The following MXI1 variants were observed in gnomAD, a reference collection of about 807,000 sequenced individuals.
The protein encoded by MXI1 is max-interacting protein 1.
MXI1 carries 18 observed loss-of-function variants against 36.9 expected under a neutral mutation model. The observed-to-expected ratio is 0.49, with a 90% CI of 0.34 to 0.72. The LOEUF (loss-of-function observed/expected upper bound fraction) is 0.72, where lower values mean the gene tolerates loss of function less well. MXI1 is among the 30% of genes least tolerant of loss of function. The probability of loss-of-function intolerance (pLI) is 0.01; values close to 1 mark genes in which losing one functional copy is unlikely to be tolerated. For missense variants in MXI1, 304 were observed against 379.1 expected, an observed-to-expected ratio of 0.80 and a Z score of 1.64; for synonymous variants, 160 against 146.7, an observed-to-expected ratio of 1.09 and a Z score of -0.65.
rs74735538 is a variant in MXI1 at position 110,227,550 on chromosome 10, G to C, written c.275-639G>C. 720 of 981,442 alleles carry C rather than the reference G, an allele frequency of 7.3e-4. 21 individuals carry two copies. In the East Asian group the frequency reaches 0.048, roughly 65 times the overall value. 60.8% of individuals were successfully genotyped at this position (981,442 alleles called of 1,614,324 possible). A position where few individuals can be genotyped will look rare whatever the true frequency, so the allele number is the denominator to read the frequency against. On this transcript the variant is annotated intron_variant, in intron 1 of 5. Coordinates refer to ENST00000332674, the MANE Select transcript of MXI1 (RefSeq NM_130439.3). Reference sequence around the variant, plus strand: ...GCCCCGGAGCGGGAGAGGGTGCTGGGAGATAAGAGGAAGGAGGAACACGGA... The same window carrying C: ...GCCCCGGAGCGGGAGAGGGTGCTGGCAGATAAGAGGAAGGAGGAACACGGA...
At chr10:110,223,998 A>G (rs143409450) in intron 1 of MXI1, among the ~76,000 whole-genome samples, 1 of 152,304 alleles carries the variant, frequency 6.6e-6, no homozygotes, top group Non-Finnish European at 1.5e-5. Context: ...TACCAAAAAA[A>G]AAGAAAAGAA....
At chr10:110,228,891 A>G (rs900806756) in intron 2 of MXI1, among the ~76,000 whole-genome samples, 2 of 152,198 alleles carry the variant, frequency 1.3e-5, no homozygotes, top group African/African-American at 4.8e-5. Context: ...TTATCTTTCA[A>G]GCAGAATAGA....
chr10:110,281,195 T>A (rs1286506428), intron 5 of MXI1, among the ~76,000 whole-genome samples: 1 of 152,234 alleles, frequency 6.6e-6, no homozygotes, highest in African/African-American at 2.4e-5. Context: ...TTGTTTCATC[T>A]GTTCTTCACT....
intron 3 of MXI1, among the ~76,000 whole-genome samples, chr10:110,254,771 ACT>A (rs1856226699): frequency 6.6e-6 from 1 of 152,166 alleles, no homozygotes; most frequent in Non-Finnish European, 1.5e-5. Flanking sequence ...CAAGGCCCTA[ACT>A]CTATTTAATT....
At chr10:110,219,282 A>C (rs988357631) in intron 1 of MXI1, among the ~76,000 whole-genome samples, 2 of 152,264 alleles carry the variant, frequency 1.3e-5, no homozygotes, top group African/African-American at 2.4e-5. Context: ...CCTGGGAGAC[A>C]GAGTGAGACT....
At chr10:110,233,016 T>A (rs1855329956) in intron 2 of MXI1, among the ~76,000 whole-genome samples, 1 of 152,234 alleles carries the variant, frequency 6.6e-6, no homozygotes, top group Admixed American at 6.5e-5. Flanking sequence ...AATATTCATA[T>A]GAGCCTGTGA....
chr10:110,261,158 G>A lies in MXI1; in HGVS notation c.437+16301G>A, dbSNP rs187346351. The A allele has an allele frequency of 4.1e-3, 4,079 of 983,166 alleles. 14 individuals are homozygous for A. The highest frequency in any genetic ancestry group is 4.4e-3 in the Non-Finnish European group (3,631 of 827,908). 60.9% of individuals were successfully genotyped at this position (983,166 alleles called of 1,614,324 possible). A position where few individuals can be genotyped will look rare whatever the true frequency, so the allele number is the denominator to read the frequency against. ...AAAGTAGCTACAGGTCAGTATGTTG[G>A]AATCTTTCTTCCTAACCATTTAGAC... On this transcript the variant is annotated intron_variant, in intron 3 of 5. Transcript: ENST00000332674.
chr10:110,226,060 G>GGCGGCGGAGAGCGCGCCGAGCC, intron 1 of MXI1: 1 of 1,004,380 alleles, frequency 1.0e-6, no homozygotes, highest in African/African-American at 1.7e-5. Context: ...GGGCGGCAGG[G>GGCGGCGGAGAGCGCGCCGAGCC]GCGGCGGAGA....
At chr10:110,209,473 A>G (rs576518577) in intron 1 of MXI1, among the ~76,000 whole-genome samples, 1 of 152,344 alleles carries the variant, frequency 6.6e-6, no homozygotes, top group African/African-American at 2.4e-5. Context: ...TCAGGGTTAA[A>G]GGAACCGTGT....
At chr10:110,226,011 G>A (rs1490345580) in intron 1 of MXI1, 2 of 982,604 alleles carry the variant, frequency 2.0e-6, no homozygotes, top group Non-Finnish European at 2.4e-6. Flanking sequence ...AACCACGCGC[G>A]GGCTGCCCGC....
At chr10:110,276,100 T>A (rs1303928320) in intron 3 of MXI1, among the ~76,000 whole-genome samples, 1 of 152,254 alleles carries the variant, frequency 6.6e-6, no homozygotes, top group African/African-American at 2.4e-5. Flanking sequence ...TATTTCCATA[T>A]AGAATTCCAG....
At chr10:110,243,826 C>T (rs77090345) in intron 2 of MXI1, among the ~76,000 whole-genome samples, 9 of 152,036 alleles carry the variant, frequency 5.9e-5, no homozygotes, top group Admixed American at 1.3e-4. Flanking sequence ...ATGAGGAAAC[C>T]GAGCACAGAG....
chr10:110,212,036 A>T (rs977922854), intron 1 of MXI1, among the ~76,000 whole-genome samples: 3 of 152,260 alleles, frequency 2.0e-5, no homozygotes, highest in African/African-American at 7.2e-5. Context: ...AAGGGATGTT[A>T]TGTGCATAAG....
At chr10:110,229,923 C>A (rs1368260116) in intron 2 of MXI1, among the ~76,000 whole-genome samples, 1 of 152,050 alleles carries the variant, frequency 6.6e-6, no homozygotes, top group Non-Finnish European at 1.5e-5. Flanking sequence ...TGTCGTGCTG[C>A]AAGTATTTAA....
chr10:110,240,708 CATG>C lies in MXI1; in HGVS notation c.408-4119_408-4117del, dbSNP rs570405974. 3.4e-3 allele frequency among the ~76,000 whole-genome samples: 521 copies of C among 152,050 alleles called. 2 individuals carry two copies. Among genetic ancestry groups the C allele is most frequent in the Non-Finnish European group, 4.0e-3 (272 of 67,876 alleles). Reference sequence around the variant, plus strand: ...AATTTTCTGGTTTTTTTGCCCTCTACATGTATGTGTAAGAATTGTAAGCTTTAG... The same window carrying C: ...AATTTTCTGGTTTTTTTGCCCTCTACTATGTGTAAGAATTGTAAGCTTTAG... On this transcript the variant is annotated intron_variant, in intron 2 of 5. Coordinates refer to ENST00000332674, the MANE Select transcript of MXI1 (RefSeq NM_130439.3).
chr10:110,240,481 A>G (rs185390428), intron 2 of MXI1, among the ~76,000 whole-genome samples: 2 of 152,196 alleles, frequency 1.3e-5, no homozygotes, highest in African/African-American at 2.4e-5. Flanking sequence ...TTTTTCTAAA[A>G]GTTTATAGTA....
chr10:110,212,462 T>C (rs567096067), intron 1 of MXI1, among the ~76,000 whole-genome samples: 1 of 152,330 alleles, frequency 6.6e-6, no homozygotes, highest in Non-Finnish European at 1.5e-5. Flanking sequence ...ATTCTCTTAC[T>C]CCCCTAGGGA....
At chr10:110,276,613 A>AT (rs36065116) in intron 3 of MXI1, among the ~76,000 whole-genome samples, 69,291 of 150,348 alleles carry the variant, frequency 0.46, 16,735 homozygotes, top group South Asian at 0.72. Flanking sequence ...TAAAGTTAAC[A>AT]TTTTTTTTTT....
At chr10:110,257,784 A>G (rs1182252230) in intron 3 of MXI1, 1 of 338,702 alleles carries the variant, frequency 3.0e-6, no homozygotes, top group Non-Finnish European at 5.9e-6. Flanking sequence ...CGCGTACTTT[A>G]TAAGAACCAG....
Sources: gnomAD v4.1 joint callset for allele counts (sites outside exome capture counted in the v4.1 genomes callset) on GRCh38, gnomAD v4.1.1 for gene constraint, MANE v1.5 for transcripts, NCBI Gene and HGNC (gene_info 2026-07-23, HGNC 2026-07-21) for gene names.